Variants in ASPSCR1 observed in about 807,000 individuals in gnomAD.
ASPSCR1 encodes the protein tether containing UBX domain for GLUT4.
ASPSCR1 carries 55 observed loss-of-function variants against 68.9 expected under a neutral mutation model. The observed-to-expected ratio is 0.80, with a 90% confidence interval of 0.64 to 1.00. The LOEUF (loss-of-function observed/expected upper bound fraction) is 1.00, where lower values mean the gene tolerates loss of function less well. Ranked by LOEUF, ASPSCR1 falls within the 50% of genes least tolerant of loss-of-function variation. ASPSCR1 has a pLI of 0.00. For synonymous variants in ASPSCR1, 352 were observed against 332.6 expected (o/e 1.06, Z -0.63); for missense variants, 765 against 762.2 (o/e 1.00, Z -0.04).
Position 81,996,623 on chromosome 17 carries a change from C to A in ASPSCR1, c.710C>A (p.Pro237His). ...HTQEKQSTRA[P>H]AAAPFVPFSG... ...CAGGAGAAGCAGAGCACAAGGGCACCCGCAGCTGCCCCCTTTGTTCCTTTC... is the reference window on the plus strand; with the variant it reads ...CAGGAGAAGCAGAGCACAAGGGCACACGCAGCTGCCCCCTTTGTTCCTTTC... Residue 237 changes from proline (P) to histidine (H), a missense_variant, in exon 7 of 16, where the codon CCC (proline) becomes CAC (histidine). Pro to His is a moderately conservative substitution (Grantham distance 77). Transcript: ENST00000306739. 6.2e-7 allele frequency: 1 copy of A among 1,611,688 alleles called. No homozygotes were observed.
chr17:81,984,975 C>G (rs1437408092), intron 3 of ASPSCR1, among the ~76,000 whole-genome samples: 3 of 121,244 alleles, frequency 2.5e-5, no homozygotes, highest in Admixed American at 8.2e-5. Context: ...CCTGCACACA[C>G]CCACACACCT....
Position 81,994,700 on chromosome 17 carries a change from C to T in ASPSCR1, c.375-121C>T. On this transcript the variant is annotated intron_variant, in intron 4 of 15. Transcript: ENST00000306739. ...CCTGGGCCTGGGCCTGGGACGCTGT[C>T]CTGGGTGGGTGCTGGGTGAGGGCCC... 14 of 1,028,946 alleles carry T rather than the reference C, an allele frequency of 1.4e-5. No homozygotes were observed. In the South Asian group the frequency reaches 1.9e-4, roughly 14 times the overall value. The allele number at this position is 1,028,946 out of a possible 1,614,324, so 63.7% of individuals were successfully genotyped here.
intron 7 of ASPSCR1, among the ~76,000 whole-genome samples, chr17:82,001,332 G>A (rs1356215667): frequency 6.6e-6 from 1 of 152,170 alleles, no homozygotes; most frequent in Non-Finnish European, 1.5e-5. Flanking sequence ...ATCCGACGCG[G>A]TGCAGACTCC....
At position 82,010,889 on chromosome 17, in the gene ASPSCR1, T is replaced by G. The variant is rs758563851; in HGVS notation, c.1237+21T>G. On this transcript the variant is annotated intron_variant, in intron 10 of 15. Coordinates refer to ENST00000306739, the MANE Select transcript of ASPSCR1 (RefSeq NM_024083.4). ...GACAGGTGGGCAGCGCTGTGGGGTG[T>G]CCGGGGATGGGGGGCAGGGGCCCAT... 5 of 1,609,150 alleles carry G rather than the reference T, an allele frequency of 3.1e-6. No individual in the cohort carries two copies. The South Asian group carries it at 5.5e-5, about 18-fold the overall frequency.
intron 2 of ASPSCR1, among the ~76,000 whole-genome samples, chr17:81,980,409 C>T (rs1476264491): frequency 6.6e-6 from 1 of 152,230 alleles, no homozygotes; most frequent in East Asian, 1.9e-4. Flanking sequence ...GTGATACCTG[C>T]CAAGTCATTC....
chr17:82,015,573 G>A, intron 12 of ASPSCR1: 1 of 641,062 alleles, frequency 1.6e-6, no homozygotes, highest in Non-Finnish European at 2.6e-6. Flanking sequence ...CTCTGAGGGA[G>A]CCCTCTCGCC....
chr17:82,011,610 GT>G lies in ASPSCR1; in HGVS notation c.1300+11del. Reference sequence around the variant, plus strand: ...CCGAGCTGTCATTTTACCTGTGTACGTTTTTTCTCCTGAGCCCACTCCTGCC... The same window carrying G: ...CCGAGCTGTCATTTTACCTGTGTACGTTTTTCTCCTGAGCCCACTCCTGCC... On this transcript the variant is annotated splice_donor_region_variant and intron_variant, in intron 11 of 15. Coordinates refer to ENST00000306739, the MANE Select transcript of ASPSCR1 (RefSeq NM_024083.4). 1 of 1,602,120 alleles carries G rather than the reference GT, an allele frequency of 6.2e-7. No individual in the cohort carries two copies.
intron 5 of ASPSCR1, 27 bp downstream of exon 5, chr17:81,994,905 G>T (rs1413501939): frequency 3.8e-6 from 6 of 1,593,406 alleles, no homozygotes; most frequent in Non-Finnish European, 5.1e-6. Flanking sequence ...TGCTCACCCA[G>T]TCCCCGCTCA....
intron 3 of ASPSCR1, among the ~76,000 whole-genome samples, chr17:81,984,940 C>T (rs1410947899): frequency 1.6e-5 from 2 of 121,770 alleles, no homozygotes; most frequent in Admixed American, 8.1e-5. Flanking sequence ...CCCACACCCG[C>T]ACACACCCGC....
At chr17:82,011,835 G>A (rs758123752) in intron 11 of ASPSCR1, among the ~76,000 whole-genome samples, 27 of 152,186 alleles carry the variant, frequency 1.8e-4, no homozygotes, top group Middle Eastern at 6.8e-3. Flanking sequence ...CTCTCTCAGC[G>A]CCCTGCTCCC....
chr17:82,012,475 C>G (rs1223418430), intron 12 of ASPSCR1, among the ~76,000 whole-genome samples, 192 bp downstream of exon 12: 1 of 152,210 alleles, frequency 6.6e-6, no homozygotes, highest in Non-Finnish European at 1.5e-5. Context: ...TTCCGGCCTC[C>G]TCTGCTTCCT....
At chr17:82,002,532 G>A (rs1458193421) in intron 7 of ASPSCR1, among the ~76,000 whole-genome samples, 2 of 151,776 alleles carry the variant, frequency 1.3e-5, no homozygotes, top group African/African-American at 2.4e-5. Flanking sequence ...TGGGATTACA[G>A]GTGTGAGCCT....
chr17:81,985,620 G>A lies in ASPSCR1; in HGVS notation c.374+13G>A, dbSNP rs369595227. ...TTCCACAGATCAGGTGAGCATCAGTGGGCTGGGGGCTCTTCCCTACCCTGT... is the reference window on the plus strand; with the variant it reads ...TTCCACAGATCAGGTGAGCATCAGTAGGCTGGGGGCTCTTCCCTACCCTGT... On this transcript the variant is annotated intron_variant, in intron 4 of 15. Coordinates refer to ENST00000306739, the MANE Select transcript of ASPSCR1 (RefSeq NM_024083.4). 7.1e-5 allele frequency: 115 copies of A among 1,609,418 alleles called. 1 individual carries two copies. The highest frequency in any genetic ancestry group is 1.1e-5 in the South Asian group (1 of 90,980).
At chr17:82,005,252 G>A in intron 7 of ASPSCR1, 1 of 152,218 alleles carries the variant, frequency 6.6e-6, no homozygotes. Flanking sequence ...GGGGCGCCGG[G>A]GTGGCGGAAA....
At position 81,977,633 on chromosome 17, in the gene ASPSCR1, C is replaced by T; in HGVS notation, c.-14C>T. Reference sequence around the variant, plus strand: ...GTTTGACGCCGGCCCGGCGGCGGGTCACGTGAGCGGAAAATGGCGGCCCCG... The same window carrying T: ...GTTTGACGCCGGCCCGGCGGCGGGTTACGTGAGCGGAAAATGGCGGCCCCG... On this transcript the variant is annotated 5_prime_UTR_variant, in exon 1 of 16. Transcript: ENST00000306739. This position sits in a 1 kb window ranked among gnomAD's most constrained non-coding sequence, Gnocchi z 5.0. 7.2e-7 allele frequency: 1 copy of T among 1,384,874 alleles called. No individual in the cohort carries two copies. The highest frequency in any genetic ancestry group is 9.4e-7 in the Non-Finnish European group (1 of 1,066,330). The allele number at this position is 1,384,874 out of a possible 1,614,324, so 85.8% of individuals were successfully genotyped here.
intron 12 of ASPSCR1, chr17:82,015,049 C>T (rs545552069): frequency 4.7e-5 from 74 of 1,580,790 alleles, no homozygotes; most frequent in Admixed American, 1.4e-4. Context: ...GCTGGGGGGA[C>T]GGTGTGACCC....
chr17:82,014,745 C>T (rs570180121), intron 12 of ASPSCR1: 74 of 406,000 alleles, frequency 1.8e-4, no homozygotes, highest in African/African-American at 1.2e-3. Context: ...GTTGCTGCCC[C>T]GTGGGGGTTG....
rs984681599 is a variant in ASPSCR1, at chr17:81,983,752, G to A, written c.273+84G>A. 2 of 1,197,116 alleles carry A rather than the reference G, an allele frequency of 1.7e-6. No homozygotes were observed. The highest frequency in any genetic ancestry group is 1.5e-5 in the African/African-American group (1 of 66,228). The allele number at this position is 1,197,116 out of a possible 1,614,324, so 74.2% of individuals were successfully genotyped here. ...GGGACGGGGGACGGGACAGTGGGGGGTGCTGGGGAAGGAGGGACATGAGTC... is the reference window on the plus strand; with the variant it reads ...GGGACGGGGGACGGGACAGTGGGGGATGCTGGGGAAGGAGGGACATGAGTC... On this transcript the variant is annotated intron_variant, in intron 3 of 15. Coordinates refer to ENST00000306739, the MANE Select transcript of ASPSCR1 (RefSeq NM_024083.4). This position sits in a 1 kb window ranked among gnomAD's most constrained non-coding sequence, Gnocchi z 4.4.
intron 7 of ASPSCR1, among the ~76,000 whole-genome samples, chr17:81,997,828 C>CTT (rs372497074): frequency 3.9e-5 from 5 of 126,990 alleles, no homozygotes; most frequent in African/African-American, 5.8e-5. Context: ...GAGGCACCCA[C>CTT]TTTTTTTTTT....
Sources: allele counts gnomAD v4.1 joint callset (sites outside exome capture counted in the v4.1 genomes callset), GRCh38; gene constraint gnomAD v4.1.1; non-coding constraint Gnocchi (gnomAD v3.1); transcripts MANE v1.5; gene names NCBI Gene and HGNC (gene_info 2026-07-23, HGNC 2026-07-21).